Variants in SNX29 observed in about 807,000 individuals in gnomAD.
The protein encoded by SNX29 is sorting nexin 29, also known as sorting nexin-29.
Under a neutral mutation model 102.1 loss-of-function variants are expected in SNX29, and 78 were observed. That is an observed-to-expected ratio of 0.76 (90% CI 0.64 to 0.92). The LOEUF is 0.92. Among genes scored for constraint, SNX29 ranks in the 40% least tolerant of loss-of-function variants. The pLI is 0.00. For synonymous variants in SNX29, 580 were observed against 414.5 expected (o/e 1.40, Z -4.85); for missense variants, 1,280 against 1,061.7 (o/e 1.21, Z -2.86).
intron 15 of SNX29, among the ~76,000 whole-genome samples, chr16:12,344,240 A>G (rs111884645): frequency 0.042 from 6,468 of 152,266 alleles, 439 homozygotes; most frequent in African/African-American, 0.15. Flanking sequence ...GCATGAGAAC[A>G]GACTAATACA....
rs138345757 is a variant in SNX29 at position 12,116,965 on chromosome 16, C to T, written c.1403-9668C>T. ...ACCATGGAAACAGGAGTGGTCAATA[C>T]GTGCTTCAATGCGGATGAACCATGG... On this transcript the variant is annotated intron_variant, in intron 11 of 20. Coordinates refer to ENST00000566228, the MANE Select transcript of SNX29 (RefSeq NM_032167.5). 4.6e-5 allele frequency among the ~76,000 whole-genome samples: 7 copies of T among 151,584 alleles called. No homozygotes were observed. In the East Asian group the frequency reaches 7.8e-4, roughly 17 times the overall value.
chr16:12,568,615 A>G lies in SNX29; in HGVS notation c.2428A>G (p.Ser810Gly), dbSNP rs775524371. The G allele has an allele frequency of 4.4e-6, 7 of 1,604,010 alleles. No individual in the cohort carries two copies. In the South Asian group the frequency reaches 4.4e-5, roughly 10 times the overall value. Reference sequence around the variant, plus strand: ...GGAGACCCGCAACGTGGAGCCCCAGAGCGGTGACCTCTGACCTCGACAAAA... The same window carrying G: ...GGAGACCCGCAACGTGGAGCCCCAGGGCGGTGACCTCTGACCTCGACAAAA... ...PRETRNVEPQ[S>G]GDL The change falls in exon 21 of 21, where the codon AGC becomes GGC. Residue 810 changes from serine (S) to glycine (G), a missense_variant. Transcript: ENST00000566228.
intron 15 of SNX29, among the ~76,000 whole-genome samples, chr16:12,332,080 G>T (rs2081306421): frequency 6.6e-6 from 1 of 151,922 alleles, no homozygotes; most frequent in Non-Finnish European, 1.5e-5. Context: ...TAATAATAAA[G>T]AAATAATTTA....
At chr16:12,208,095 C>T (rs1419567758) in intron 14 of SNX29, among the ~76,000 whole-genome samples, 1 of 152,206 alleles carries the variant, frequency 6.6e-6, no homozygotes, top group Non-Finnish European at 1.5e-5. Flanking sequence ...AAGCAACATT[C>T]CATACCACTT....
At chr16:12,514,389 C>T (rs2089769606) in intron 19 of SNX29, among the ~76,000 whole-genome samples, 1 of 152,154 alleles carries the variant, frequency 6.6e-6, no homozygotes, top group Non-Finnish European at 1.5e-5. Flanking sequence ...CATCTTCAGG[C>T]TCCTCCCTGC....
intron 18 of SNX29, among the ~76,000 whole-genome samples, chr16:12,424,335 T>C (rs1412994919): frequency 1.3e-5 from 2 of 152,224 alleles, no homozygotes; most frequent in Non-Finnish European, 1.5e-5. Context: ...ATAAGAGTTT[T>C]GATTTTGCTG....
At chr16:12,236,867 C>T (rs955468655) in intron 14 of SNX29, among the ~76,000 whole-genome samples, 1 of 152,206 alleles carries the variant, frequency 6.6e-6, no homozygotes, top group Admixed American at 6.5e-5. Context: ...GTACCTTCTT[C>T]CTGCCTTGGG....
intron 11 of SNX29, among the ~76,000 whole-genome samples, chr16:12,122,300 C>T (rs1427523526): frequency 6.6e-6 from 1 of 152,150 alleles, no homozygotes; most frequent in African/African-American, 2.4e-5. Flanking sequence ...CTGGAAGACT[C>T]TACATGATGG....
intron 14 of SNX29, among the ~76,000 whole-genome samples, chr16:12,228,282 C>G (rs1002812584): frequency 6.6e-6 from 1 of 152,238 alleles, no homozygotes; most frequent in African/African-American, 2.4e-5. Context: ...ACACCCATGG[C>G]AGGCATCATT....
At chr16:12,130,189 A>T (rs1445808260) in intron 13 of SNX29, among the ~76,000 whole-genome samples, 3 of 151,546 alleles carry the variant, frequency 2.0e-5, no homozygotes, top group African/African-American at 7.3e-5. Context: ...GTTAAAAAAA[A>T]AAAAAAGCCG....
intron 20 of SNX29, among the ~76,000 whole-genome samples, chr16:12,553,352 C>G (rs1208030978): frequency 6.6e-6 from 1 of 152,208 alleles, no homozygotes; most frequent in African/African-American, 2.4e-5. Context: ...ACCAGCTCGT[C>G]TTCTCAGAGC....
Position 12,572,296 on chromosome 16 carries a change from G to C in SNX29, c.*3667G>C. The C allele has an allele frequency of 3.2e-6, 3 of 950,222 alleles. No individual in the cohort carries two copies. The highest frequency in any genetic ancestry group is 3.6e-6 in the Non-Finnish European group (3 of 831,388). 58.9% of individuals were successfully genotyped at this position (950,222 alleles called of 1,614,324 possible). On this transcript the variant is annotated 3_prime_UTR_variant, in exon 21 of 21. Transcript: ENST00000566228. The stretch of plus-strand genomic sequence containing the variant: ...GCAACTAACAAGTACTGGGGCCAGT[G>C]ATCACAATCCAGGTTGGAAACAGGA...
chr16:11,992,332 CAAA>C (rs1389778569), intron 1 of SNX29, among the ~76,000 whole-genome samples: 2 of 151,946 alleles, frequency 1.3e-5, no homozygotes, highest in African/African-American at 2.4e-5. Flanking sequence ...ATTCACAAAA[CAAA>C]GAATTAACTG....
At chr16:12,370,299 A>G (rs1399771940) in intron 16 of SNX29, among the ~76,000 whole-genome samples, 2 of 150,680 alleles carry the variant, frequency 1.3e-5, no homozygotes, top group African/African-American at 4.9e-5. Flanking sequence ...GGTGGCTCAC[A>G]CCTGTAATCC....
intron 13 of SNX29, among the ~76,000 whole-genome samples, chr16:12,163,309 T>C (rs1363788730): frequency 6.6e-6 from 1 of 152,002 alleles, no homozygotes; most frequent in Non-Finnish European, 1.5e-5. Flanking sequence ...TCTGGAAGGC[T>C]GATTAGGGGT....
chr16:12,217,696 G>A (rs1353525964), intron 14 of SNX29, among the ~76,000 whole-genome samples: 2 of 152,174 alleles, frequency 1.3e-5, no homozygotes, highest in African/African-American at 4.8e-5. Flanking sequence ...GAGCATGAAT[G>A]ATTGGATTTA....
chr16:12,142,865 T>C (rs375694375), intron 13 of SNX29, among the ~76,000 whole-genome samples: 1 of 151,292 alleles, frequency 6.6e-6, no homozygotes, highest in Non-Finnish European at 1.5e-5. Context: ...CTGGCCGATA[T>C]TGTTTATTTG....
chr16:12,545,619 C>G (rs1014732543), intron 20 of SNX29: 7 of 152,168 alleles, frequency 4.6e-5, no homozygotes, highest in African/African-American at 1.4e-4. Context: ...AAGCAAGGGT[C>G]TGGCTCTTTT....
Position 12,570,191 on chromosome 16 carries a change from C to T in SNX29, c.*1562C>T, listed in dbSNP as rs1170225490. The T allele has an allele frequency of 3.8e-6, 4 of 1,065,370 alleles. No homozygotes were observed. The highest frequency in any genetic ancestry group is 5.3e-5 in the Admixed American group (1 of 18,762). 66.0% of individuals were successfully genotyped at this position (1,065,370 alleles called of 1,614,324 possible). Reference sequence around the variant, plus strand: ...ACCCCAGAGAAACCGAGTCAGCCTACATGACTTCCAAGGGGACCTGGGGCC... The same window carrying T: ...ACCCCAGAGAAACCGAGTCAGCCTATATGACTTCCAAGGGGACCTGGGGCC... On this transcript the variant is annotated 3_prime_UTR_variant, in exon 21 of 21. Transcript: ENST00000566228.
Sources: allele counts gnomAD v4.1 joint callset (sites outside exome capture counted in the v4.1 genomes callset), GRCh38; gene constraint gnomAD v4.1.1; transcripts MANE v1.5; gene names NCBI Gene and HGNC (gene_info 2026-07-23, HGNC 2026-07-21).